Variants in CDH12 observed in about 807,000 individuals in gnomAD.
CDH12 encodes the protein cadherin-12.
A neutral mutation model predicts 74.1 loss-of-function variants in CDH12; 41 were observed. The ratio of observed to expected loss-of-function variants is 0.55; its 90% CI spans 0.43 to 0.72. CDH12 has a LOEUF of 0.72. Ranked by LOEUF, CDH12 falls within the 30% of genes least tolerant of loss-of-function variation. The pLI is 0.00. For synonymous variants in CDH12, 399 were observed against 355.0 expected (o/e 1.12, Z -1.39); for missense variants, 945 against 977.2 (o/e 0.97, Z 0.44).
chr5:22,326,874 T>A, intron 3 of CDH12, among the ~76,000 whole-genome samples: 1 of 152,224 alleles, frequency 6.6e-6, no homozygotes, highest in East Asian at 1.9e-4. Context: ...TCCAGCTATA[T>A]ATATATTGTA....
At chr5:22,383,631 T>C (rs906835399) in intron 3 of CDH12, among the ~76,000 whole-genome samples, 1 of 152,206 alleles carries the variant, frequency 6.6e-6, no homozygotes, top group Non-Finnish European at 1.5e-5. Context: ...GCTGGTCTCA[T>C]ATATTGTGCT....
At chr5:22,574,400 A>C (rs1441951498) in intron 1 of CDH12, among the ~76,000 whole-genome samples, 1 of 151,752 alleles carries the variant, frequency 6.6e-6, no homozygotes, top group Admixed American at 6.6e-5. Context: ...ATTTTTTTCC[A>C]TAACATGCCT....
At chr5:22,460,911 G>T (rs1745484648) in intron 2 of CDH12, among the ~76,000 whole-genome samples, 1 of 147,060 alleles carries the variant, frequency 6.8e-6, no homozygotes, top group Non-Finnish European at 1.5e-5. Flanking sequence ...AGTAGATATG[G>T]GGTTTCACCA....
At chr5:22,232,589 A>C (rs1411898603) in intron 3 of CDH12, among the ~76,000 whole-genome samples, 1 of 151,698 alleles carries the variant, frequency 6.6e-6, no homozygotes, top group Non-Finnish European at 1.5e-5. Context: ...CTGTTCAATG[A>C]AATGATTTGG....
At chr5:22,267,761 T>A (rs7445631) in intron 3 of CDH12, among the ~76,000 whole-genome samples, 1 of 152,010 alleles carries the variant, frequency 6.6e-6, no homozygotes, top group African/African-American at 2.4e-5. Context: ...TAGTAAGAAG[T>A]GAAGGCTTTT....
chr5:22,727,912 T>A (rs1488470614), intron 1 of CDH12, among the ~76,000 whole-genome samples: 1 of 151,772 alleles, frequency 6.6e-6, no homozygotes, highest in Non-Finnish European at 1.5e-5. Context: ...TGTTTAGCTG[T>A]GAATTTCCTT....
intron 6 of CDH12, among the ~76,000 whole-genome samples, chr5:21,957,547 T>C (rs1398116193): frequency 6.6e-6 from 1 of 152,208 alleles, no homozygotes; most frequent in Non-Finnish European, 1.5e-5. Flanking sequence ...GTGTAAGTGT[T>C]TCCTTTTCTC....
At chr5:22,229,846 C>T (rs1006299229) in intron 3 of CDH12, among the ~76,000 whole-genome samples, 1 of 151,786 alleles carries the variant, frequency 6.6e-6, no homozygotes, top group Admixed American at 6.6e-5. Flanking sequence ...GAGTAGGTGA[C>T]CTTTTCTAAT....
intron 3 of CDH12, among the ~76,000 whole-genome samples, chr5:22,309,737 T>A (rs1315618838): frequency 6.6e-6 from 1 of 152,024 alleles, no homozygotes; most frequent in Non-Finnish European, 1.5e-5. Flanking sequence ...TTATTATATT[T>A]TAAGGTTAGT....
At chr5:22,286,041 T>C (rs1737118380) in intron 3 of CDH12, among the ~76,000 whole-genome samples, 1 of 152,146 alleles carries the variant, frequency 6.6e-6, no homozygotes, top group South Asian at 2.1e-4. Flanking sequence ...TTACACGGTA[T>C]TGACAATATA....
At chr5:22,744,644 G>C (rs1745203929) in intron 1 of CDH12, among the ~76,000 whole-genome samples, 1 of 152,022 alleles carries the variant, frequency 6.6e-6, no homozygotes, top group Non-Finnish European at 1.5e-5. Context: ...CAATTTTATA[G>C]ATAGCAACTG....
intron 2 of CDH12, among the ~76,000 whole-genome samples, chr5:22,495,618 AT>A (rs1367943695): frequency 1.3e-5 from 2 of 152,202 alleles, no homozygotes; most frequent in Non-Finnish European, 2.9e-5. Context: ...GTATGAATGC[AT>A]ATACATATAT....
intron 3 of CDH12, among the ~76,000 whole-genome samples, chr5:22,399,376 T>C: frequency 6.6e-6 from 1 of 151,748 alleles, no homozygotes; most frequent in Non-Finnish European, 1.5e-5. Context: ...ATTGAAAAAA[T>C]AAAAACAACA....
intron 1 of CDH12, among the ~76,000 whole-genome samples, chr5:22,746,404 C>T (rs1745298998): frequency 6.6e-6 from 1 of 152,114 alleles, no homozygotes; most frequent in Non-Finnish European, 1.5e-5. Flanking sequence ...GAGCAAATAT[C>T]ACTGTTTTAT....
chr5:22,781,941 G>A (rs1287863405), intron 1 of CDH12, among the ~76,000 whole-genome samples: 2 of 152,158 alleles, frequency 1.3e-5, no homozygotes, highest in Non-Finnish European at 2.9e-5. Flanking sequence ...TTTAATGACT[G>A]ACTTTCTTGG....
chr5:22,666,644 C>G (rs1740641217), intron 1 of CDH12, among the ~76,000 whole-genome samples: 1 of 152,024 alleles, frequency 6.6e-6, no homozygotes, highest in Admixed American at 6.6e-5. Flanking sequence ...TTTAATTAAC[C>G]TACTGCAAGA....
intron 3 of CDH12, among the ~76,000 whole-genome samples, chr5:22,242,096 T>C (rs1196514835): frequency 6.6e-6 from 1 of 152,170 alleles, no homozygotes; most frequent in African/African-American, 2.4e-5. Flanking sequence ...CTACGTTTTA[T>C]TTGTATTCAC....
intron 6 of CDH12, among the ~76,000 whole-genome samples, chr5:21,928,491 A>C (rs1006461449): frequency 1.3e-5 from 2 of 152,204 alleles, no homozygotes; most frequent in Admixed American, 1.3e-4. Context: ...TTTGCTTATG[A>C]TGTATTGCAT....
rs144628512 is a variant in CDH12 at position 22,591,784 on chromosome 5, C to T, written c.-522-86420G>A. ...GTATATTATTATCTATGTGCACATA[C>T]ATCATGGACCTTGTCATCACCCAGG... On this transcript the variant is annotated intron_variant, in intron 1 of 14. Transcript: ENST00000382254. Among the ~76,000 whole-genome samples, 536 of 152,236 alleles carry T rather than the reference C, an allele frequency of 3.5e-3. 3 individuals carry two copies. Among genetic ancestry groups the T allele is most frequent in the Non-Finnish European group, 4.8e-3 (327 of 68,020 alleles).
Sources: allele counts gnomAD v4.1 joint callset (sites outside exome capture counted in the v4.1 genomes callset), GRCh38; gene constraint gnomAD v4.1.1; transcripts MANE v1.5; gene names NCBI Gene and HGNC (gene_info 2026-07-23, HGNC 2026-07-21).